ITPR2: variants seen among roughly 807,000 people sequenced by gnomAD.
The protein encoded by ITPR2 is inositol 1,4,5-trisphosphate receptor type 2.
A neutral mutation model predicts 317.1 loss-of-function variants in ITPR2; 207 were observed. That is an observed-to-expected ratio of 0.65 (90% CI 0.58 to 0.73). The LOEUF (loss-of-function observed/expected upper bound fraction) is 0.73, where lower values mean the gene tolerates loss of function less well. Ranked by LOEUF, ITPR2 falls within the 30% of genes least tolerant of loss-of-function variation. The pLI is 0.00. For missense variants in ITPR2, 2,613 were observed against 3,284.0 expected (o/e 0.80, Z 4.99); for synonymous variants, 1,156 against 1,149.1 (o/e 1.01, Z -0.12).
At chr12:26,696,524 C>G (rs1265864115) in intron 9 of ITPR2, among the ~76,000 whole-genome samples, 1 of 151,982 alleles carries the variant, frequency 6.6e-6, no homozygotes, top group Admixed American at 6.6e-5. Context: ...CAACTCATCA[C>G]TAAATACCAA....
chr12:26,531,871 T>C (rs1294235639), intron 37 of ITPR2, among the ~76,000 whole-genome samples: 1 of 152,216 alleles, frequency 6.6e-6, no homozygotes, highest in Non-Finnish European at 1.5e-5. Context: ...TATCTTGAAG[T>C]TTATTTTTCT....
At chr12:26,431,263 G>A (rs1188561668) in intron 48 of ITPR2, among the ~76,000 whole-genome samples, 1 of 152,052 alleles carries the variant, frequency 6.6e-6, no homozygotes. Flanking sequence ...TACTATCTTG[G>A]TATAAGACAT....
At chr12:26,597,840 A>G (rs1945888214) in intron 30 of ITPR2, among the ~76,000 whole-genome samples, 2 of 152,176 alleles carry the variant, frequency 1.3e-5, no homozygotes, top group South Asian at 4.1e-4. Flanking sequence ...CCAATTTTCT[A>G]ACCCCAGTGT....
intron 2 of ITPR2, among the ~76,000 whole-genome samples, chr12:26,726,351 A>G (rs1948922411): frequency 6.6e-6 from 1 of 152,202 alleles, no homozygotes; most frequent in Non-Finnish European, 1.5e-5. Context: ...CTAAACATCA[A>G]GATAGAAAAT....
At chr12:26,582,771 T>G (rs1453762811) in intron 32 of ITPR2, among the ~76,000 whole-genome samples, 1 of 152,152 alleles carries the variant, frequency 6.6e-6, no homozygotes, top group Non-Finnish European at 1.5e-5. Flanking sequence ...AAATAATAAA[T>G]TTACAATACT....
chr12:26,621,688 A>G (rs1340974308), intron 25 of ITPR2, among the ~76,000 whole-genome samples: 2 of 152,198 alleles, frequency 1.3e-5, no homozygotes, highest in Non-Finnish European at 2.9e-5. Context: ...TTTATTTCAT[A>G]TTCTTTTAAC....
intron 32 of ITPR2, among the ~76,000 whole-genome samples, chr12:26,583,075 G>A (rs541171576): frequency 2.1e-4 from 32 of 152,184 alleles, no homozygotes; most frequent in Admixed American, 1.3e-3. Flanking sequence ...GGGTCTAGAG[G>A]TGGTAAAATC....
chr12:26,399,071 C>T, intron 53 of ITPR2, 30 bp from the exon 54 acceptor site: 1 of 1,507,224 alleles, frequency 6.6e-7, no homozygotes, highest in South Asian at 1.3e-5. Flanking sequence ...AAAAATCACA[C>T]TAGGCATAGT....
intron 47 of ITPR2, 112 bp from the exon 48 acceptor site, chr12:26,436,458 T>C (rs1223962611): frequency 1.1e-6 from 1 of 873,194 alleles, no homozygotes; most frequent in Admixed American, 3.1e-5. Context: ...TAAACTATTA[T>C]AAAAACCTAT....
chr12:26,666,139 T>TGTAG, intron 13 of ITPR2, 88 bp from the exon 14 acceptor site: 1 of 356,078 alleles, frequency 2.8e-6, no homozygotes, highest in Non-Finnish European at 4.4e-6. Flanking sequence ...TAGGTAGAGA[T>TGTAG]AGATAGATAG....
chr12:26,681,773 G>C, intron 13 of ITPR2, 101 bp downstream of exon 13: 1 of 803,730 alleles, frequency 1.2e-6, no homozygotes, highest in Non-Finnish European at 2.0e-6. Flanking sequence ...GTGCTATCGA[G>C]AATGTTCTGA....
At chr12:26,671,217 CAAG>C (rs1468441924) in intron 13 of ITPR2, among the ~76,000 whole-genome samples, 3 of 152,108 alleles carry the variant, frequency 2.0e-5, no homozygotes, top group African/African-American at 7.2e-5. Flanking sequence ...AGATACTCCT[CAAG>C]AAGAGCAACT....
chr12:26,378,253 G>C (rs779819435), intron 55 of ITPR2, among the ~76,000 whole-genome samples: 21 of 152,030 alleles, frequency 1.4e-4, no homozygotes, highest in Non-Finnish European at 2.4e-4. Context: ...TAACGGGAAT[G>C]GGGATGTCAG....
intron 49 of ITPR2, among the ~76,000 whole-genome samples, chr12:26,427,113 T>G (rs965827136): frequency 6.6e-6 from 1 of 152,036 alleles, no homozygotes; most frequent in African/African-American, 2.4e-5. Flanking sequence ...TAGTCCTAAT[T>G]ACAGATACCA....
chr12:26,655,976 G>A, intron 19 of ITPR2, 124 bp from the exon 20 acceptor site: 1 of 924,270 alleles, frequency 1.1e-6, no homozygotes, highest in Non-Finnish European at 1.6e-6. Context: ...TAGAGGCTGG[G>A]TCCTCATCTG....
intron 9 of ITPR2, among the ~76,000 whole-genome samples, chr12:26,700,104 C>CA (rs1312473054): frequency 5.9e-5 from 9 of 152,108 alleles, no homozygotes; most frequent in Non-Finnish European, 1.0e-4. Context: ...GACATAAATA[C>CA]AGTCAGCTGA....
chr12:26,400,154 C>T lies in ITPR2; in HGVS notation c.7504G>A (p.Asp2502Asn). Reference sequence around the variant, plus strand: ...TCTTTCGATGGCCTTCTTAGCACATCCCCCACACCACCGCCATTCCTGAGG... The same window carrying T: ...TCTTTCGATGGCCTTCTTAGCACATTCCCCACACCACCGCCATTCCTGAGG... ...QGLRNGGGVGDVLRRPSKDEP... is the reference protein window; with the variant it reads ...QGLRNGGGVGNVLRRPSKDEP... Residue 2502 changes from aspartate to asparagine, a missense_variant, in exon 53 of 57, where the codon GAT (aspartate) becomes AAT (asparagine). Coordinates refer to ENST00000381340, the MANE Select transcript of ITPR2 (RefSeq NM_002223.4). The T allele has an allele frequency of 1.9e-6, 3 of 1,611,342 alleles. No homozygotes were observed. Among genetic ancestry groups the T allele is most frequent in the Non-Finnish European group, 1.7e-6 (2 of 1,178,282 alleles).
At chr12:26,471,630 A>G (rs1338282305) in intron 45 of ITPR2, among the ~76,000 whole-genome samples, 1 of 152,198 alleles carries the variant, frequency 6.6e-6, no homozygotes, top group East Asian at 1.9e-4. Flanking sequence ...ATGGCAGAAA[A>G]AGCAGAACTA....
At chr12:26,743,887 A>T (rs1219073245) in intron 2 of ITPR2, among the ~76,000 whole-genome samples, 3 of 152,170 alleles carry the variant, frequency 2.0e-5, no homozygotes, top group Non-Finnish European at 4.4e-5. Flanking sequence ...GCAAAACTCC[A>T]TCTCAAAAAA....
Sources: allele counts gnomAD v4.1 joint callset (sites outside exome capture counted in the v4.1 genomes callset), GRCh38; gene constraint gnomAD v4.1.1; transcripts MANE v1.5; gene names NCBI Gene and HGNC (gene_info 2026-07-23, HGNC 2026-07-21).